The following ZGRF1 variants were observed in gnomAD, a reference collection of about 807,000 sequenced individuals.
ZGRF1 encodes the protein 5'-3' DNA helicase ZGRF1.
A neutral mutation model predicts 203.5 loss-of-function variants in ZGRF1; 196 were observed. The observed-to-expected ratio is 0.96, with a 90% CI of 0.86 to 1.08. The LOEUF is 1.08. Among genes scored for constraint, ZGRF1 ranks in the 50% least tolerant of loss-of-function variants. ZGRF1 has a pLI of 0.00. For synonymous variants in ZGRF1, 809 were observed against 841.3 expected, an observed-to-expected ratio of 0.96 and a Z score of 0.66; for missense variants, 2,326 against 2,416.3, an observed-to-expected ratio of 0.96 and a Z score of 0.78.
At chr4:112,586,340 A>G (rs1358603674) in intron 13 of ZGRF1, 105 bp downstream of exon 13, 1 of 786,150 alleles carries the variant, frequency 1.3e-6, no homozygotes, top group Non-Finnish European at 1.8e-6. Context: ...TATGAAAAAT[A>G]AGGTATTTAG....
chr4:112,606,378 A>G (rs1185518237), intron 8 of ZGRF1, among the ~76,000 whole-genome samples: 1 of 152,212 alleles, frequency 6.6e-6, no homozygotes, highest in East Asian at 1.9e-4. Context: ...AATGCCAGGT[A>G]TAACTGGGTG....
intron 23 of ZGRF1, 49 bp downstream of exon 23, chr4:112,548,204 G>A: frequency 6.5e-7 from 1 of 1,533,600 alleles, no homozygotes; most frequent in Non-Finnish European, 8.8e-7. Context: ...GCCTCCTAAA[G>A]TGCTAGGATT....
Position 112,585,636 on chromosome 4 carries a change from C to T in ZGRF1, c.4006G>A (p.Gly1336Arg), listed in dbSNP as rs1188728517. The T allele has an allele frequency of 1.2e-6, 2 of 1,609,992 alleles. No individual in the cohort carries two copies. Among genetic ancestry groups the T allele is most frequent in the Non-Finnish European group, 1.7e-6 (2 of 1,178,118 alleles). Residue 1336 changes from glycine to arginine, a missense_variant, in exon 14 of 28, where the codon GGA (glycine) becomes AGA (arginine). By Grantham distance (125) the Gly-to-Arg change is moderately radical. Transcript: ENST00000505019. Reference sequence around the variant, plus strand: ...TTTTCTGCGTTTTTCAGTTTCTCTCCCTTCAATGATGTATAAAATGATATG... The same window carrying T: ...TTTTCTGCGTTTTTCAGTTTCTCTCTCTTCAATGATGTATAAAATGATATG... ...VDISFYTSLK[G>R]EKLKNAENNV...
At chr4:112,563,538 C>T (rs1287005442) in intron 16 of ZGRF1, among the ~76,000 whole-genome samples, 2 of 151,984 alleles carry the variant, frequency 1.3e-5, no homozygotes, top group African/African-American at 4.8e-5. Context: ...AAAGAGATGG[C>T]AGAATTACAG....
At chr4:112,594,423 A>C (rs964027778) in intron 10 of ZGRF1, among the ~76,000 whole-genome samples, 2 of 150,256 alleles carry the variant, frequency 1.3e-5, no homozygotes, top group African/African-American at 4.9e-5. Flanking sequence ...GAAAGCTATT[A>C]ATTTTTTAAG....
At chr4:112,631,217 G>T (rs908471549) in intron 3 of ZGRF1, among the ~76,000 whole-genome samples, 1 of 152,032 alleles carries the variant, frequency 6.6e-6, no homozygotes, top group African/African-American at 2.4e-5. Flanking sequence ...GCCCAGGCTG[G>T]TCTTGAACTC....
At position 112,539,985 on chromosome 4, in the gene ZGRF1, A is replaced by G. The variant is rs775644612; in HGVS notation, c.6050T>C (p.Ile2017Thr). 1.2e-6 allele frequency: 2 copies of G among 1,613,796 alleles called. No homozygotes were observed. The highest frequency in any genetic ancestry group is 1.7e-6 in the Non-Finnish European group (2 of 1,179,810). Residue 2017 changes from isoleucine to threonine, a missense_variant, in exon 27 of 28, where the codon ATT becomes ACT. By Grantham distance (89) the Ile-to-Thr change is moderately conservative. Coordinates refer to ENST00000505019, the MANE Select transcript of ZGRF1 (RefSeq NM_018392.5). ...SCVRTRQVGF[I>T]DSEKRMNVAL... Reference sequence around the variant, plus strand: ...AACATTCATTCTTTTTTCTGAATCAATGAATCCTACTTGTCTTGTCCTTAC... The same window carrying G: ...AACATTCATTCTTTTTTCTGAATCAGTGAATCCTACTTGTCTTGTCCTTAC...
rs1175448926 is a variant in ZGRF1, at chr4:112,586,550, C to G, written c.3811G>C (p.Gly1271Arg). 4.3e-6 allele frequency: 7 copies of G among 1,612,802 alleles called. 1 individual carries two copies. In the South Asian group the frequency reaches 7.7e-5, roughly 18 times the overall value. ...ISGSELCFPSGQKIKSAYLPQ... is the reference protein window; with the variant it reads ...ISGSELCFPSRQKIKSAYLPQ... The stretch of plus-strand genomic sequence containing the variant: ...AGATAAGCAGATTTTATTTTCTGCC[C>G]ACTTGGAAAGCACAGCTCAGAGCCA... The change falls in exon 13 of 28, where the codon GGG becomes CGG. Residue 1271 changes from glycine to arginine, a missense_variant. Physicochemically the swap from Gly to Arg is moderately radical, Grantham distance 125. Coordinates refer to ENST00000505019, the MANE Select transcript of ZGRF1 (RefSeq NM_018392.5).
intron 20 of ZGRF1, among the ~76,000 whole-genome samples, 171 bp from the exon 21 acceptor site, chr4:112,554,953 A>G: frequency 6.6e-6 from 1 of 152,360 alleles, no homozygotes; most frequent in South Asian, 2.1e-4. Context: ...GGTTTTTTAA[A>G]TATAATGCAT....
chr4:112,614,332 C>A (rs2046791755), intron 6 of ZGRF1, among the ~76,000 whole-genome samples: 1 of 152,184 alleles, frequency 6.6e-6, no homozygotes, highest in South Asian at 2.1e-4. Context: ...TTTGTAACCC[C>A]AAATCAGTAT....
chr4:112,619,775 G>A, intron 5 of ZGRF1, 85 bp from the exon 6 acceptor site: 1 of 1,156,490 alleles, frequency 8.6e-7, no homozygotes, highest in East Asian at 2.5e-5. Flanking sequence ...AAAAGGAGAA[G>A]GATTGTTTCT....
chr4:112,636,789 G>T (rs1273330583), intron 1 of ZGRF1, 62 bp downstream of exon 1: 2 of 152,100 alleles, frequency 1.3e-5, no homozygotes, highest in African/African-American at 2.4e-5. Flanking sequence ...AGAGTCTTTC[G>T]TCCCTTCGCC....
chr4:112,624,429 C>G (rs2047162430), intron 3 of ZGRF1, among the ~76,000 whole-genome samples: 1 of 151,298 alleles, frequency 6.6e-6, no homozygotes, highest in African/African-American at 2.4e-5. Flanking sequence ...TGCATTCCAG[C>G]CTAGGCAACA....
intron 19 of ZGRF1, among the ~76,000 whole-genome samples, chr4:112,560,199 G>A (rs1188214129): frequency 6.6e-6 from 1 of 152,188 alleles, no homozygotes. Flanking sequence ...CTGTAAGCAG[G>A]AGGAAGTAAA....
chr4:112,631,135 G>A (rs139649244), intron 3 of ZGRF1, among the ~76,000 whole-genome samples: 2 of 152,252 alleles, frequency 1.3e-5, no homozygotes, highest in East Asian at 3.9e-4. Flanking sequence ...CATATAATAA[G>A]CAGTTTATAA....
Position 112,547,476 on chromosome 4 carries a change from G to C in ZGRF1, c.5475-68C>G, listed in dbSNP as rs118093522. 13 of 1,453,576 alleles carry C rather than the reference G, an allele frequency of 8.9e-6. No homozygotes were observed. The East Asian group carries it at 3.0e-4, about 34-fold the overall frequency. 90.0% of individuals were successfully genotyped at this position (1,453,576 alleles called of 1,614,324 possible). A position where few individuals can be genotyped will look rare whatever the true frequency, so the allele number is the denominator to read the frequency against. ...GTGCATTAACATCATTTATTGCACTGTTTGCCAAAATTGCACTTCGAAATA... is the reference window on the plus strand; with the variant it reads ...GTGCATTAACATCATTTATTGCACTCTTTGCCAAAATTGCACTTCGAAATA... On this transcript the variant is annotated intron_variant, in intron 23 of 27. Coordinates refer to ENST00000505019, the MANE Select transcript of ZGRF1 (RefSeq NM_018392.5).
At chr4:112,625,542 C>T (rs192349682) in intron 3 of ZGRF1, among the ~76,000 whole-genome samples, 48 of 146,550 alleles carry the variant, frequency 3.3e-4, no homozygotes, top group Non-Finnish European at 1.5e-5. Context: ...GCCGAGATCG[C>T]GCCACTGCAC....
At chr4:112,575,291 G>T (rs374444612) in intron 16 of ZGRF1, among the ~76,000 whole-genome samples, 55 of 152,236 alleles carry the variant, frequency 3.6e-4, no homozygotes, top group African/African-American at 1.1e-3. Context: ...CTAACATTTG[G>T]GGGGAAGAGC....
At chr4:112,590,035 C>G (rs1747890097) in intron 10 of ZGRF1, among the ~76,000 whole-genome samples, 161 bp from the exon 11 acceptor site, 1 of 152,142 alleles carries the variant, frequency 6.6e-6, no homozygotes, top group Non-Finnish European at 1.5e-5. Context: ...CCAAAAAGGA[C>G]AGAATAAACT....
Sources: allele counts gnomAD v4.1 joint callset (sites outside exome capture counted in the v4.1 genomes callset), GRCh38; gene constraint gnomAD v4.1.1; transcripts MANE v1.5; gene names NCBI Gene and HGNC (gene_info 2026-07-23, HGNC 2026-07-21).